The following PLCE1 variants were observed in gnomAD, a reference collection of about 807,000 sequenced individuals.
PLCE1 encodes the protein 1-phosphatidylinositol 4,5-bisphosphate phosphodiesterase epsilon-1.
In PLCE1, 119 loss-of-function variants were observed where a neutral mutation model predicts 242.8. The ratio of observed to expected loss-of-function variants is 0.49; its 90% CI spans 0.42 to 0.57. PLCE1 has a LOEUF of 0.57. Ranked by LOEUF, PLCE1 falls within the 20% of genes least tolerant of loss-of-function variation. The probability of loss-of-function intolerance (pLI) is 0.00; values close to 1 mark genes in which losing one functional copy is unlikely to be tolerated. For missense variants in PLCE1, 2,441 were observed against 2,788.8 expected (o/e 0.88, Z 2.81); for synonymous variants, 945 against 1,017.4 (o/e 0.93, Z 1.35).
At position 94,039,023 on chromosome 10, in the gene PLCE1, T is replaced by C. The variant is rs181907669; in HGVS notation, c.1206+6771T>C. ...GACTGGCTTCTTTCACTTCGCATAA[T>C]CTTTTCAAGGTTAAATATTCATTTA... On this transcript the variant is annotated intron_variant, in intron 2 of 32. Transcript: ENST00000371380. 1.3e-3 allele frequency among the ~76,000 whole-genome samples: 198 copies of C among 152,338 alleles called. 1 individual carries two copies. The highest frequency in any genetic ancestry group is 2.4e-3 in the Non-Finnish European group (163 of 68,030).
chr10:94,188,566 G>T (rs1386961237), intron 4 of PLCE1, among the ~76,000 whole-genome samples: 1 of 152,120 alleles, frequency 6.6e-6, no homozygotes, highest in African/African-American at 2.4e-5. Flanking sequence ...CCTGCAGCCT[G>T]CATAGCTTGG....
chr10:94,323,623 G>A (rs1305837507), intron 30 of PLCE1, among the ~76,000 whole-genome samples: 1 of 152,188 alleles, frequency 6.6e-6, no homozygotes, highest in African/African-American at 2.4e-5. Context: ...TATGTAAGAT[G>A]TTTAATACAA....
At chr10:94,270,704 C>G (rs1052428502) in intron 18 of PLCE1, 102 bp downstream of exon 18, 6 of 795,404 alleles carry the variant, frequency 7.5e-6, no homozygotes, top group Non-Finnish European at 1.3e-5. Context: ...GAGTCTCGCT[C>G]TCTCACCCAG....
intron 19 of PLCE1, among the ~76,000 whole-genome samples, chr10:94,279,060 C>T (rs1317836493): frequency 6.6e-6 from 1 of 152,128 alleles, no homozygotes; most frequent in African/African-American, 2.4e-5. Context: ...CGTTCCTCTA[C>T]CCCGTTTAGA....
intron 1 of PLCE1, among the ~76,000 whole-genome samples, chr10:94,023,814 G>A (rs1035408803): frequency 2.6e-5 from 4 of 152,030 alleles, no homozygotes; most frequent in Non-Finnish European, 5.9e-5. Context: ...GGGTATCTGG[G>A]TTTTTTGAGT....
At chr10:94,076,429 AGT>A (rs2044504011) in intron 2 of PLCE1, among the ~76,000 whole-genome samples, 1 of 152,114 alleles carries the variant, frequency 6.6e-6, no homozygotes, top group Non-Finnish European at 1.5e-5. Context: ...TTGCAGTACA[AGT>A]TCAGAGGACA....
intron 1 of PLCE1, among the ~76,000 whole-genome samples, chr10:93,998,542 T>C (rs969211376): frequency 7.9e-5 from 12 of 152,244 alleles, no homozygotes; most frequent in African/African-American, 1.7e-4. Flanking sequence ...GATGAGCAAC[T>C]GACCTTTGCG....
In PLCE1 at chr10:94,273,728, C is replaced by G; in HGVS notation, c.4665+8C>G. 1 of 1,612,770 alleles carries G rather than the reference C, an allele frequency of 6.2e-7. No homozygotes were observed. Among genetic ancestry groups the G allele is most frequent in the Non-Finnish European group, 8.5e-7 (1 of 1,178,906 alleles). On this transcript the variant is annotated splice_region_variant and intron_variant, in intron 19 of 32. Transcript: ENST00000371380. ...GATATCTTAAAGCAAAAGGTACTCC[C>G]CTCTGTTAAACCAGTTATGAAAAGG... is the stretch of plus-strand genomic sequence containing the variant.
At chr10:94,184,210 A>G (rs779500514) in intron 4 of PLCE1, among the ~76,000 whole-genome samples, 1 of 152,356 alleles carries the variant, frequency 6.6e-6, no homozygotes, top group Non-Finnish European at 1.5e-5. Flanking sequence ...ATTTATAAGC[A>G]TAAAGGTAAC....
In PLCE1 at chr10:94,304,617, G is replaced by A. The variant is rs1342857627; in HGVS notation, c.5594G>A (p.Ser1865Asn). The change falls in exon 25 of 33, where the codon AGC becomes AAC. Residue 1865 changes from serine (S) to asparagine (N), a missense_variant. By Grantham distance (46) the Ser-to-Asn change is conservative. This residue lies in a region of PLCE1 where 1,004 missense variants were observed against 1,322.7 expected (regional missense o/e 0.76). Coordinates refer to ENST00000371380, the MANE Select transcript of PLCE1 (RefSeq NM_016341.4). ...TCTCCACTAGAAAGAGATCTGGACAGCATGGATCCTGCAGTCTATTCTTTA... is the reference window on the plus strand; with the variant it reads ...TCTCCACTAGAAAGAGATCTGGACAACATGGATCCTGCAGTCTATTCTTTA... ...KFSPLERDLD[S>N]MDPAVYSLTI... 3.7e-6 allele frequency: 6 copies of A among 1,614,100 alleles called. No homozygotes were observed. The highest frequency in any genetic ancestry group is 5.1e-6 in the Non-Finnish European group (6 of 1,179,972).
chr10:94,179,755 C>T (rs1029216638), intron 4 of PLCE1, among the ~76,000 whole-genome samples: 7 of 151,742 alleles, frequency 4.6e-5, no homozygotes, highest in African/African-American at 1.7e-4. Context: ...ATCCACCTGC[C>T]TTGGCCTCCC....
chr10:94,032,426 G>C (rs1371916550), intron 2 of PLCE1, among the ~76,000 whole-genome samples, 174 bp downstream of exon 2: 1 of 152,092 alleles, frequency 6.6e-6, no homozygotes, highest in Non-Finnish European at 1.5e-5. Context: ...TAGCTATCAA[G>C]ATTGAGTTGA....
chr10:94,048,020 G>A (rs2043644813), intron 2 of PLCE1, among the ~76,000 whole-genome samples: 1 of 152,068 alleles, frequency 6.6e-6, no homozygotes, highest in Non-Finnish European at 1.5e-5. Context: ...TTTATATAAA[G>A]GTACACTGTG....
At chr10:94,193,132 C>T (rs966612188) in intron 4 of PLCE1, among the ~76,000 whole-genome samples, 1 of 152,124 alleles carries the variant, frequency 6.6e-6, no homozygotes, top group Admixed American at 6.5e-5. Flanking sequence ...AAAAGTTTGC[C>T]AACTCCTGAT....
intron 7 of PLCE1, 152 bp from the exon 8 acceptor site, chr10:94,245,794 G>T: frequency 1.4e-6 from 1 of 716,104 alleles, no homozygotes; most frequent in Admixed American, 2.1e-5. Context: ...TCGGTTATTA[G>T]AAGTTACTGT....
chr10:94,029,769 AT>A (rs913989037), intron 1 of PLCE1, among the ~76,000 whole-genome samples: 1 of 152,112 alleles, frequency 6.6e-6, no homozygotes, highest in Non-Finnish European at 1.5e-5. Flanking sequence ...GAAGAAAGAC[AT>A]CTATTTGTCA....
At chr10:94,253,726 C>T (rs2050963593) in intron 9 of PLCE1, among the ~76,000 whole-genome samples, 1 of 152,124 alleles carries the variant, frequency 6.6e-6, no homozygotes, top group Non-Finnish European at 1.5e-5. Context: ...GGGAATGATC[C>T]TCAGCCATTC....
intron 2 of PLCE1, among the ~76,000 whole-genome samples, chr10:94,045,961 G>A (rs1435710945): frequency 3.8e-5 from 3 of 78,918 alleles, no homozygotes; most frequent in African/African-American, 9.9e-5. Flanking sequence ...TTAGCCAGGC[G>A]TGGTAAAAAA....
intron 2 of PLCE1, among the ~76,000 whole-genome samples, chr10:94,111,475 C>T (rs764105673): frequency 2.6e-5 from 4 of 152,206 alleles, no homozygotes; most frequent in Non-Finnish European, 4.4e-5. Context: ...CCTTAAATTC[C>T]TCCTGACAGG....
Sources: gnomAD v4.1 joint callset for allele counts (sites outside exome capture counted in the v4.1 genomes callset) on GRCh38, gnomAD v4.1.1 for gene constraint, gnomAD v4.1.1 regional missense constraint, MANE v1.5 for transcripts, NCBI Gene and HGNC (gene_info 2026-07-23, HGNC 2026-07-21) for gene names.